NCKAP5: variants seen among roughly 807,000 people sequenced by gnomAD.
NCKAP5 encodes nck-associated protein 5.
In NCKAP5, 92 loss-of-function variants were observed where a neutral mutation model predicts 167.0. That is an observed-to-expected ratio of 0.55 (90% confidence interval 0.47 to 0.66). The LOEUF (loss-of-function observed/expected upper bound fraction) is 0.66. NCKAP5 is among the 30% of genes least tolerant of loss of function. NCKAP5 has a pLI of 0.00. For synonymous variants in NCKAP5, 891 were observed against 877.4 expected, an observed-to-expected ratio of 1.02 and a Z score of -0.27; for missense variants, 2,378 against 2,315.0, an observed-to-expected ratio of 1.03 and a Z score of -0.56.
chr2:133,574,257 C>T, the NCKAP5 span, among the ~76,000 whole-genome samples: 4 of 152,192 alleles, frequency 2.6e-5, no homozygotes, highest in Admixed American at 1.3e-4. Flanking sequence ...TGAGGCTTGA[C>T]GCATAATAGC....
At chr2:133,592,576 T>C in the NCKAP5 span, among the ~76,000 whole-genome samples, 1 of 152,214 alleles carries the variant, frequency 6.6e-6, no homozygotes, top group East Asian at 1.9e-4. Context: ...CCAACAACAA[T>C]TTGATATCAT....
At chr2:132,864,032 G>GATGC (rs1403693384) in intron 10 of NCKAP5, among the ~76,000 whole-genome samples, 1 of 152,168 alleles carries the variant, frequency 6.6e-6, no homozygotes, top group African/African-American at 2.4e-5. Flanking sequence ...ATTTAGGCTG[G>GATGC]ATGCAAGAGC....
At chr2:132,777,677 C>T (rs7592077) in intron 15 of NCKAP5, among the ~76,000 whole-genome samples, 78,918 of 151,852 alleles carry the variant, frequency 0.52, 20,856 homozygotes, top group East Asian at 0.75. Context: ...CTTATTAGCA[C>T]CAAAATACCA....
At chr2:133,451,910 T>A (rs1018630656) in intron 3 of NCKAP5, among the ~76,000 whole-genome samples, 1 of 152,192 alleles carries the variant, frequency 6.6e-6, no homozygotes, top group African/African-American at 2.4e-5. Context: ...TTGTGTGTTG[T>A]CTTCCCTCAA....
intron 5 of NCKAP5, among the ~76,000 whole-genome samples, chr2:133,140,261 A>G (rs1297021244): frequency 1.3e-5 from 2 of 152,210 alleles, no homozygotes; most frequent in Non-Finnish European, 2.9e-5. Flanking sequence ...AAGAAGACAC[A>G]GCATTTCAGG....
intron 4 of NCKAP5, among the ~76,000 whole-genome samples, chr2:133,271,895 T>C (rs2089527738): frequency 6.6e-6 from 1 of 152,242 alleles, no homozygotes; most frequent in Non-Finnish European, 1.5e-5. Context: ...TCATGGTATC[T>C]AACACACATT....
chr2:133,180,513 T>C (rs1486554893), intron 5 of NCKAP5, among the ~76,000 whole-genome samples: 1 of 151,950 alleles, frequency 6.6e-6, no homozygotes, highest in African/African-American at 2.4e-5. Context: ...AATTTTTGTA[T>C]TTTTTTGTAG....
intron 6 of NCKAP5, among the ~76,000 whole-genome samples, chr2:133,021,127 C>T (rs1305830631): frequency 6.6e-6 from 1 of 152,112 alleles, no homozygotes; most frequent in East Asian, 1.9e-4. Context: ...ATTATTTAGC[C>T]ATGACAGAAG....
At chr2:133,206,965 C>T (rs1453201938) in intron 5 of NCKAP5, among the ~76,000 whole-genome samples, 1 of 152,144 alleles carries the variant, frequency 6.6e-6, no homozygotes, top group African/African-American at 2.4e-5. Context: ...AAATTCTAGT[C>T]AGACCAGTTC....
the NCKAP5 span, among the ~76,000 whole-genome samples, chr2:133,649,587 C>T: frequency 2.6e-4 from 40 of 152,000 alleles, no homozygotes; most frequent in African/African-American, 8.2e-4. Flanking sequence ...GTTCCACATA[C>T]GAAAATCAAT....
At chr2:132,740,601 T>C (rs990115130) in intron 16 of NCKAP5, among the ~76,000 whole-genome samples, 2 of 152,130 alleles carry the variant, frequency 1.3e-5, no homozygotes, top group Non-Finnish European at 2.9e-5. Flanking sequence ...GCTGTGGCAT[T>C]AAGATGACCT....
rs1468746400 is a variant in NCKAP5, at chr2:132,729,727, T to C, written c.5444-775A>G. 2.6e-5 allele frequency among the ~76,000 whole-genome samples: 4 copies of C among 151,698 alleles called. No individual in the cohort carries two copies. The East Asian group carries it at 7.7e-4, about 29-fold the overall frequency. ...TGAAAGTAGATTAACCTGCATAGTG[T>C]ATGCCTTTGTCATGCCAGAATGGAG... On this transcript the variant is annotated intron_variant, in intron 17 of 19. Transcript: ENST00000409261.
chr2:133,642,559 G>C, the NCKAP5 span, among the ~76,000 whole-genome samples: 2 of 152,182 alleles, frequency 1.3e-5, no homozygotes, highest in African/African-American at 2.4e-5. Context: ...AAAAACTGGG[G>C]CTAGGGAGTT....
At chr2:133,464,322 C>A (rs1375573683) in intron 3 of NCKAP5, among the ~76,000 whole-genome samples, 1 of 152,124 alleles carries the variant, frequency 6.6e-6, no homozygotes, top group Non-Finnish European at 1.5e-5. Context: ...ATTGCCAGCT[C>A]CTTGAGGATA....
intron 6 of NCKAP5, among the ~76,000 whole-genome samples, chr2:133,077,401 G>T (rs2080642324): frequency 6.6e-6 from 1 of 152,158 alleles, no homozygotes; most frequent in Non-Finnish European, 1.5e-5. Context: ...CTTCATGAGA[G>T]GTTTTTGCCT....
intron 8 of NCKAP5, among the ~76,000 whole-genome samples, chr2:132,911,542 G>A (rs1694452131): frequency 6.6e-6 from 1 of 151,876 alleles, no homozygotes; most frequent in African/African-American, 2.4e-5. Context: ...AATTTTGTTG[G>A]TGAACTCCCT....
intron 19 of NCKAP5, among the ~76,000 whole-genome samples, chr2:132,711,837 C>T (rs12052576): frequency 0.058 from 8,794 of 152,136 alleles, 421 homozygotes; most frequent in East Asian, 0.16. Context: ...CCTTCCTTCT[C>T]CATTGAGCTT....
intron 2 of NCKAP5, among the ~76,000 whole-genome samples, chr2:133,550,139 T>C (rs1687154965): frequency 6.8e-6 from 1 of 146,986 alleles, no homozygotes; most frequent in South Asian, 2.3e-4. Context: ...CAGGACCAGA[T>C]GGATTCACAG....
At chr2:133,020,363 C>G (rs1250126358) in intron 6 of NCKAP5, among the ~76,000 whole-genome samples, 2 of 152,146 alleles carry the variant, frequency 1.3e-5, no homozygotes, top group Non-Finnish European at 2.9e-5. Context: ...AGGCAAGGCA[C>G]CACCACTTAG....
Sources: gnomAD v4.1 joint callset for allele counts (sites outside exome capture counted in the v4.1 genomes callset) on GRCh38, gnomAD v4.1.1 for gene constraint, MANE v1.5 for transcripts, NCBI Gene and HGNC (gene_info 2026-07-23, HGNC 2026-07-21) for gene names.